OR51B5: variants seen among roughly 807,000 people sequenced by gnomAD.
OR51B5 encodes the protein olfactory receptor family 51 subfamily B member 5.
For synonymous variants in OR51B5, 186 were observed against 144.8 expected, an observed-to-expected ratio of 1.28 and a Z score of -2.04; for missense variants, 456 against 374.6, an observed-to-expected ratio of 1.22 and a Z score of -1.79.
chr11:5,493,342 C>T (rs1245139971), intron 1 of OR51B5, among the ~76,000 whole-genome samples: 1 of 152,134 alleles, frequency 6.6e-6, no homozygotes, highest in Non-Finnish European at 1.5e-5. Flanking sequence ...AGAAATCGAT[C>T]TGCCTTTTTC....
chr11:5,462,434 C>T (rs960155835), intron 1 of OR51B5, among the ~76,000 whole-genome samples: 26 of 152,184 alleles, frequency 1.7e-4, no homozygotes, highest in African/African-American at 6.3e-4. Flanking sequence ...GGCTGACCAT[C>T]AGCCTCATTT....
intron 1 of OR51B5, among the ~76,000 whole-genome samples, chr11:5,500,078 AT>A (rs1170183781): frequency 6.6e-6 from 1 of 152,176 alleles, no homozygotes; most frequent in African/African-American, 2.4e-5. Context: ...CTGCTAGACC[AT>A]TTTGCAAAGG....
intron 1 of OR51B5, among the ~76,000 whole-genome samples, chr11:5,499,171 G>A (rs1851687504): frequency 7.0e-6 from 1 of 143,072 alleles, no homozygotes; most frequent in South Asian, 2.3e-4. Context: ...CTTAAATGAT[G>A]TCTATGAAAA....
chr11:5,490,278 T>C (rs1375091861), intron 1 of OR51B5, among the ~76,000 whole-genome samples: 3 of 152,186 alleles, frequency 2.0e-5, no homozygotes, highest in African/African-American at 7.2e-5. Context: ...TAAATGAATA[T>C]AAAATGAGGA....
intron 1 of OR51B5, among the ~76,000 whole-genome samples, chr11:5,462,327 G>T (rs1001469045): frequency 1.3e-5 from 2 of 152,176 alleles, no homozygotes; most frequent in African/African-American, 4.8e-5. Context: ...ACAAATCCAT[G>T]TTGCTCAGAG....
In OR51B5 at chr11:5,462,052, T is replaced by C. The variant is rs542836640; in HGVS notation, n.84+43517A>G. On this transcript the variant is annotated intron_variant and non_coding_transcript_variant, in intron 1 of 4. Coordinates refer to the OR51B5 transcript ENST00000415970. Reference sequence around the variant, plus strand: ...ATTTTTTAGGCTCGTTAGGCCTTCCTCTAACAACACAAGAAAATCAAATAC... The same window carrying C: ...ATTTTTTAGGCTCGTTAGGCCTTCCCCTAACAACACAAGAAAATCAAATAC... 6.7e-4 allele frequency among the ~76,000 whole-genome samples: 102 copies of C among 152,340 alleles called. 2 individuals are homozygous for C. The highest frequency in any genetic ancestry group is 6.8e-3 in the Middle Eastern group (2 of 294).
At chr11:5,463,132 C>T (rs1851084301) in intron 1 of OR51B5, among the ~76,000 whole-genome samples, 1 of 152,176 alleles carries the variant, frequency 6.6e-6, no homozygotes, top group East Asian at 1.9e-4. Flanking sequence ...TGGAAGACTT[C>T]TCCGCCAAAA....
intron 1 of OR51B5, among the ~76,000 whole-genome samples, chr11:5,450,707 C>G (rs1480194608): frequency 6.6e-6 from 1 of 152,168 alleles, no homozygotes; most frequent in African/African-American, 2.4e-5. Context: ...AAATGCATTC[C>G]TCTATTTTCC....
downstream of OR51B5, chr11:5,342,569 A>G: frequency 1.3e-6 from 2 of 1,556,798 alleles, no homozygotes; most frequent in South Asian, 2.5e-5. Flanking sequence ...TGTGAGAGTG[A>G]CTGTGATGAT....
chr11:5,451,342 T>C (rs1028345664), intron 1 of OR51B5, among the ~76,000 whole-genome samples: 1 of 152,252 alleles, frequency 6.6e-6, no homozygotes, highest in Non-Finnish European at 1.5e-5. Context: ...TCTCTTTCTG[T>C]TACTTTTACA....
Position 5,363,488 on chromosome 11 carries a change from A to C in OR51B5, n.85-16578T>G, listed in dbSNP as rs371974107. Among the ~76,000 whole-genome samples the C allele has an allele frequency of 3.3e-5, 5 of 152,040 alleles. No individual in the cohort carries two copies. The South Asian group carries it at 1.0e-3, about 32-fold the overall frequency. On this transcript the variant is annotated intron_variant and non_coding_transcript_variant, in intron 1 of 4. Transcript: ENST00000415970. The stretch of plus-strand genomic sequence containing the variant: ...TCTCTCACACAAAAGCGCCACACAC[A>C]CAATCATAAACACACATCACCACCA...
At chr11:5,504,382 T>C (rs375296259) in intron 1 of OR51B5, among the ~76,000 whole-genome samples, 12 of 152,192 alleles carry the variant, frequency 7.9e-5, no homozygotes, top group Non-Finnish European at 1.8e-4. Context: ...AGAGTACAAT[T>C]TCTTTGGAAA....
Position 5,440,845 on chromosome 11 carries a change from G to T in OR51B5, n.84+64724C>A, listed in dbSNP as rs1396090943. The T allele has an allele frequency of 1.2e-6, 2 of 1,613,818 alleles. No individual in the cohort carries two copies. ...GATATGATGACCAGCATGGCTCTCA[G>T]GATCAATGCGTAGGAAAGCAGGATG... On this transcript the variant is annotated intron_variant and non_coding_transcript_variant, in intron 1 of 4. Transcript: ENST00000415970.
chr11:5,502,365 G>A (rs781158470), intron 1 of OR51B5, among the ~76,000 whole-genome samples: 15 of 151,936 alleles, frequency 9.9e-5, no homozygotes, highest in South Asian at 4.1e-4. Flanking sequence ...TGAATGTATC[G>A]AGCTCCAGTC....
At chr11:5,354,970 A>G (rs1444478592) in intron 1 of OR51B5, 3 of 159,828 alleles carry the variant, frequency 1.9e-5, no homozygotes, top group Non-Finnish European at 4.1e-5. Context: ...GGAAGGTGTG[A>G]AAATGGTTGG....
At chr11:5,472,642 G>C (rs1350306856) in intron 1 of OR51B5, among the ~76,000 whole-genome samples, 1 of 152,192 alleles carries the variant, frequency 6.6e-6, no homozygotes, top group Non-Finnish European at 1.5e-5. Flanking sequence ...CTCCCACTTA[G>C]AAGTTTCAAA....
chr11:5,484,302 C>T (rs1326209016), intron 1 of OR51B5, among the ~76,000 whole-genome samples: 1 of 152,142 alleles, frequency 6.6e-6, no homozygotes, highest in East Asian at 1.9e-4. Context: ...ATCGTTTTCC[C>T]ACTGTTTTCT....
intron 1 of OR51B5, among the ~76,000 whole-genome samples, chr11:5,464,672 A>C (rs1380311015): frequency 6.6e-6 from 1 of 151,966 alleles, no homozygotes; most frequent in Non-Finnish European, 1.5e-5. Context: ...ACATTTTCTT[A>C]ATTCAGTCTA....
At chr11:5,390,574 T>A (rs1564797585) in intron 1 of OR51B5, 3 of 547,370 alleles carry the variant, frequency 5.5e-6, no homozygotes. Context: ...TGGCTCCTCC[T>A]ACAGCTGAGA....
Sources: gnomAD v4.1 joint callset for allele counts (sites outside exome capture counted in the v4.1 genomes callset) on GRCh38, gnomAD v4.1.1 for gene constraint, MANE v1.5 for transcripts, NCBI Gene and HGNC (gene_info 2026-07-23, HGNC 2026-07-21) for gene names.